CDH13: variants seen among roughly 807,000 people sequenced by gnomAD.
CDH13 encodes the protein cadherin 13.
CDH13 carries 24 observed loss-of-function variants against 63.8 expected under a neutral mutation model. That is an observed-to-expected ratio of 0.38 (90% confidence interval 0.27 to 0.53). CDH13 has a LOEUF of 0.53. Among genes scored for constraint, CDH13 ranks in the 20% least tolerant of loss-of-function variants. The pLI is 0.85. For missense variants in CDH13, 1,049 were observed against 903.1 expected, an observed-to-expected ratio of 1.16 and a Z score of -2.07; for synonymous variants, 503 against 355.3, an observed-to-expected ratio of 1.42 and a Z score of -4.67.
intron 3 of CDH13, among the ~76,000 whole-genome samples, chr16:83,093,663 G>T (rs1202188389): frequency 6.6e-6 from 1 of 152,022 alleles, no homozygotes; most frequent in East Asian, 1.9e-4. Flanking sequence ...AAACAATATG[G>T]GAATCAGTTC....
chr16:83,574,275 T>G (rs1394687257), intron 7 of CDH13, among the ~76,000 whole-genome samples: 1 of 152,204 alleles, frequency 6.6e-6, no homozygotes, highest in East Asian at 1.9e-4. Flanking sequence ...CACCTTGCTC[T>G]CCATTCTTAG....
chr16:83,546,200 G>T lies in CDH13; in HGVS notation c.961-56254G>T, dbSNP rs147399697. The stretch of plus-strand genomic sequence containing the variant: ...AGCATCCATCCTCCAAGTGTAGAGC[G>T]TGGGACGTCTTGGTAGATACCTCAC... On this transcript the variant is annotated intron_variant, in intron 7 of 13. Coordinates refer to ENST00000567109, the MANE Select transcript of CDH13 (RefSeq NM_001257.5). Among the ~76,000 whole-genome samples, 484 of 148,288 alleles carry T rather than the reference G, an allele frequency of 3.3e-3. 7 individuals carry two copies. Among genetic ancestry groups the T allele is most frequent in the African/African-American group, 0.011 (451 of 40,204 alleles).
intron 6 of CDH13, among the ~76,000 whole-genome samples, chr16:83,477,907 C>T (rs188431981): frequency 5.3e-5 from 8 of 152,174 alleles, no homozygotes; most frequent in East Asian, 3.9e-4. Flanking sequence ...GATGGCTGGA[C>T]GCGGTGGCTC....
At chr16:82,740,948 G>T (rs770626696) in intron 1 of CDH13, among the ~76,000 whole-genome samples, 9 of 152,058 alleles carry the variant, frequency 5.9e-5, no homozygotes, top group Non-Finnish European at 1.3e-4. Flanking sequence ...TTTAAAAGGG[G>T]TTACCTCCTT....
At chr16:83,081,705 G>C (rs2033263060) in intron 3 of CDH13, among the ~76,000 whole-genome samples, 1 of 151,396 alleles carries the variant, frequency 6.6e-6, no homozygotes, top group African/African-American at 2.4e-5. Context: ...GAGAGAGAGA[G>C]AAAGAGAGAG....
At chr16:82,668,113 G>T (rs1262186613) in intron 1 of CDH13, among the ~76,000 whole-genome samples, 1 of 152,128 alleles carries the variant, frequency 6.6e-6, no homozygotes, top group African/African-American at 2.4e-5. Context: ...AGGGAGACCT[G>T]CCTGGGGTAC....
In CDH13 at chr16:83,476,759, A is replaced by G. The variant is rs559478242; in HGVS notation, c.782-9718A>G. On this transcript the variant is annotated intron_variant, in intron 6 of 13. Transcript: ENST00000567109. ...TGTTTTTAAGAGTTTATGGAAAAATATATTGGAGAGTTACAATTACTTCAG... is the reference window on the plus strand; with the variant it reads ...TGTTTTTAAGAGTTTATGGAAAAATGTATTGGAGAGTTACAATTACTTCAG... Among the ~76,000 whole-genome samples the G allele has an allele frequency of 5.9e-5, 9 of 152,348 alleles. No homozygotes were observed. The South Asian group carries it at 1.0e-3, about 18-fold the overall frequency.
intron 2 of CDH13, among the ~76,000 whole-genome samples, chr16:82,860,791 A>G (rs1212268645): frequency 2.0e-5 from 3 of 152,208 alleles, no homozygotes; most frequent in Non-Finnish European, 4.4e-5. Context: ...ATGCCTATTG[A>G]AAATAGTTTA....
At chr16:82,629,470 A>G (rs1907747272) in intron 1 of CDH13, among the ~76,000 whole-genome samples, 1 of 152,188 alleles carries the variant, frequency 6.6e-6, no homozygotes, top group Non-Finnish European at 1.5e-5. Flanking sequence ...TGTGCCATAG[A>G]AAAAAGTGGG....
intron 6 of CDH13, among the ~76,000 whole-genome samples, chr16:83,375,179 G>T (rs898928765): frequency 6.6e-6 from 1 of 152,186 alleles, no homozygotes; most frequent in African/African-American, 2.4e-5. Context: ...CATGCAATGA[G>T]CTAGGCAAAG....
intron 2 of CDH13, among the ~76,000 whole-genome samples, chr16:82,991,325 A>C (rs762058774): frequency 2.0e-5 from 3 of 152,238 alleles, no homozygotes; most frequent in Non-Finnish European, 2.9e-5. Flanking sequence ...GTAAAAATCA[A>C]ATACTTTAAA....
At chr16:83,352,052 G>T (rs1319837324) in intron 6 of CDH13, among the ~76,000 whole-genome samples, 1 of 152,146 alleles carries the variant, frequency 6.6e-6, no homozygotes, top group Non-Finnish European at 1.5e-5. Flanking sequence ...CCTTTCCTTA[G>T]GTCATCACTG....
chr16:83,697,819 G>A (rs1277248786), intron 10 of CDH13, among the ~76,000 whole-genome samples: 1 of 152,196 alleles, frequency 6.6e-6, no homozygotes, highest in African/African-American at 2.4e-5. Flanking sequence ...GGCTAATTTT[G>A]TGTTTTTAGT....
chr16:82,908,822 T>C (rs2041730382), intron 2 of CDH13, among the ~76,000 whole-genome samples: 1 of 152,240 alleles, frequency 6.6e-6, no homozygotes, highest in African/African-American at 2.4e-5. Flanking sequence ...CCTATACGGT[T>C]GACCCTTGAA....
intron 4 of CDH13, among the ~76,000 whole-genome samples, chr16:83,184,826 G>C (rs897108837): frequency 6.6e-6 from 1 of 152,030 alleles, no homozygotes; most frequent in African/African-American, 2.4e-5. Context: ...TTTCGTAGCA[G>C]TCCCTGCTCC....
At chr16:83,288,286 A>G (rs2089375037) in intron 5 of CDH13, among the ~76,000 whole-genome samples, 1 of 152,190 alleles carries the variant, frequency 6.6e-6, no homozygotes, top group South Asian at 2.1e-4. Context: ...ATTGTGTTGC[A>G]CCAGCTTGTT....
At chr16:83,549,767 A>G (rs1017699330) in intron 7 of CDH13, among the ~76,000 whole-genome samples, 3 of 152,204 alleles carry the variant, frequency 2.0e-5, no homozygotes, top group Admixed American at 6.5e-5. Context: ...TCAACTAAAG[A>G]AAGGGGCATT....
chr16:83,334,538 G>GT (rs1452119894), intron 5 of CDH13, among the ~76,000 whole-genome samples: 1 of 13,276 alleles, frequency 7.5e-5, no homozygotes, highest in Admixed American at 1.6e-3. Context: ...CTCCTGGCTA[G>GT]TTTAAAAAAA....
At chr16:82,862,107 G>A (rs2039967932) in intron 2 of CDH13, among the ~76,000 whole-genome samples, 1 of 152,134 alleles carries the variant, frequency 6.6e-6, no homozygotes, top group South Asian at 2.1e-4. Flanking sequence ...TTTTCTGGAG[G>A]CCTGGCACCC....
Sources: gnomAD v4.1 joint callset for allele counts (sites outside exome capture counted in the v4.1 genomes callset) on GRCh38, gnomAD v4.1.1 for gene constraint, MANE v1.5 for transcripts, NCBI Gene and HGNC (gene_info 2026-07-23, HGNC 2026-07-21) for gene names.